ADGRG3: variants seen among roughly 807,000 people sequenced by gnomAD.
The protein encoded by ADGRG3 is adhesion G protein-coupled receptor G3.
Under a neutral mutation model 54.3 loss-of-function variants are expected in ADGRG3, and 39 were observed. The ratio of observed to expected loss-of-function variants is 0.72; its 90% CI spans 0.56 to 0.94. The LOEUF is 0.94. ADGRG3 is among the 40% of genes least tolerant of loss of function. The probability of loss-of-function intolerance (pLI) is 0.00; values close to 1 mark genes in which losing one functional copy is unlikely to be tolerated. For synonymous variants in ADGRG3, 312 were observed against 290.0 expected (o/e 1.08, Z -0.77); for missense variants, 654 against 694.6 (o/e 0.94, Z 0.66).
chr16:57,673,878 G>A (rs967993987), intron 2 of ADGRG3, among the ~76,000 whole-genome samples: 10 of 152,184 alleles, frequency 6.6e-5, no homozygotes, highest in African/African-American at 2.4e-4. Context: ...AAACAATGGT[G>A]AGGATACAGG....
intron 2 of ADGRG3, among the ~76,000 whole-genome samples, chr16:57,675,179 G>T (rs1298220593): frequency 6.6e-6 from 1 of 151,358 alleles, no homozygotes; most frequent in African/African-American, 2.4e-5. Context: ...TCCATAAAAA[G>T]AAATAAAATA....
At chr16:57,678,812 C>T (rs1567856144) in intron 4 of ADGRG3, 3 of 338,154 alleles carry the variant, frequency 8.9e-6, no homozygotes, top group East Asian at 1.3e-4. Context: ...TCCTTTCTAC[C>T]GAATGCACAC....
At chr16:57,682,539 T>C in intron 8 of ADGRG3, 4 of 985,436 alleles carry the variant, frequency 4.1e-6, no homozygotes, top group Non-Finnish European at 4.8e-6. Flanking sequence ...ACTTGCCAGC[T>C]GGCCGCATTG....
chr16:57,685,823 G>C lies in ADGRG3; in HGVS notation c.1437G>C (p.Leu479=). The C allele has an allele frequency of 1.9e-6, 3 of 1,614,182 alleles. No homozygotes were observed. Residue 479 remains leucine (L), a synonymous_variant, in exon 11 of 12, where the codon CTG becomes CTC. Coordinates refer to ENST00000333493, the MANE Select transcript of ADGRG3 (RefSeq NM_170776.5). ...AGAACCGGAAGAAGGTGCTCACCCT[G>C]CTGGGCCTCTCGAGCCTGGTGGGTG... The part of the protein sequence containing the change: ...RGKNRKKVLT[L]LGLSSLVGVT...
At chr16:57,668,236 C>A, upstream of ADGRG3, 1 of 830,718 alleles carries the variant, frequency 1.2e-6, no homozygotes, top group Admixed American at 2.4e-5. Flanking sequence ...AAAGAGGACA[C>A]AGGAAGCCAG....
At position 57,685,623 on chromosome 16, in the gene ADGRG3, A is replaced by T. The variant is rs1371008620; in HGVS notation, c.1257-20A>T. 2.5e-6 allele frequency: 4 copies of T among 1,611,806 alleles called. No individual in the cohort carries two copies. In the Admixed American group the frequency reaches 6.7e-5, roughly 27 times the overall value. On this transcript the variant is annotated intron_variant, in intron 10 of 11. Coordinates refer to ENST00000333493, the MANE Select transcript of ADGRG3 (RefSeq NM_170776.5). ...CAGAGGTACCACTCCCAGTCCCACC[A>T]CAGCTGCCCCCTCCTCCAGATGCTG... is the stretch of plus-strand genomic sequence containing the variant.
At position 57,684,386 on chromosome 16, in the gene ADGRG3, C is replaced by A. The variant is rs757252286; in HGVS notation, c.1163-4C>A. The A allele has an allele frequency of 1.2e-6, 2 of 1,612,576 alleles. No individual in the cohort carries two copies. The highest frequency in any genetic ancestry group is 3.3e-5 in the Admixed American group (2 of 59,964). On this transcript the variant is annotated splice_region_variant and splice_polypyrimidine_tract_variant and intron_variant, in intron 9 of 11. Transcript: ENST00000333493. ...GGTGTCATGCCATTTCCCCTTGTGC[C>A]CAGGCCTGCCCGCCCTGATGGTCAT... is the stretch of plus-strand genomic sequence containing the variant.
chr16:57,669,442 T>C (rs183826995), intron 1 of ADGRG3, among the ~76,000 whole-genome samples: 281 of 152,274 alleles, frequency 1.8e-3, no homozygotes, highest in Non-Finnish European at 3.1e-3. Context: ...CCTTGATAGA[T>C]GAATGAACGG....
chr16:57,681,348 CTG>C (rs72283299), intron 8 of ADGRG3: 22,306 of 135,274 alleles, frequency 0.16, 1,921 homozygotes, highest in Non-Finnish European at 0.2. Flanking sequence ...GTGTGTGTGT[CTG>C]TGTGTGTGTG....
chr16:57,666,420 C>T (rs1355250641), upstream of ADGRG3, among the ~76,000 whole-genome samples: 2 of 152,224 alleles, frequency 1.3e-5, no homozygotes, highest in Non-Finnish European at 2.9e-5. Context: ...ATGCACTTTC[C>T]CAGGCTGTGG....
intron 2 of ADGRG3, 24 bp downstream of exon 2, chr16:57,673,492 G>A: frequency 6.3e-7 from 1 of 1,585,718 alleles, no homozygotes; most frequent in South Asian, 1.1e-5. Context: ...CTGAGCTGGA[G>A]GGGGAATCTG....
At chr16:57,672,367 T>G (rs1467820413) in intron 1 of ADGRG3, among the ~76,000 whole-genome samples, 2 of 152,042 alleles carry the variant, frequency 1.3e-5, no homozygotes, top group East Asian at 1.9e-4. Flanking sequence ...TCTTCTTAAT[T>G]AAAACATTTT....
chr16:57,666,637 C>T (rs1306665954), upstream of ADGRG3, among the ~76,000 whole-genome samples: 2 of 152,096 alleles, frequency 1.3e-5, no homozygotes, highest in Non-Finnish European at 2.9e-5. Context: ...GTTTTGTTGG[C>T]CCTGGGGTTG....
At chr16:57,670,841 AAC>A (rs144608809) in intron 1 of ADGRG3, among the ~76,000 whole-genome samples, 15,515 of 152,210 alleles carry the variant, frequency 0.1, 798 homozygotes, top group South Asian at 0.11. Flanking sequence ...ATTAAAAATG[AAC>A]AGTTTTTTAA....
At chr16:57,683,121 G>A (rs1477804231) in intron 8 of ADGRG3, among the ~76,000 whole-genome samples, 6 of 152,236 alleles carry the variant, frequency 3.9e-5, no homozygotes, top group African/African-American at 1.4e-4. Flanking sequence ...AGGAGCTGGG[G>A]AGCAGGGAAA....
chr16:57,684,283 A>T (rs2048430553), intron 9 of ADGRG3, 71 bp downstream of exon 9: 1 of 1,576,384 alleles, frequency 6.3e-7, no homozygotes, highest in Admixed American at 1.7e-5. Flanking sequence ...CCTTGGGGAG[A>T]GAGAGGAGGG....
chr16:57,668,360 A>G lies in ADGRG3; in HGVS notation c.13A>G (p.Arg5Gly). 1.3e-6 allele frequency: 2 copies of G among 1,574,792 alleles called. No homozygotes were observed. Among genetic ancestry groups the G allele is most frequent in the East Asian group, 2.3e-5 (1 of 43,894 alleles). MATPRGLGALLLLLL... is the reference protein window; with the variant it reads MATPGGLGALLLLLL... ...AGGCTGGCCAAGGATGGCGACGCCCAGGGGCCTGGGGGCCCTGCTCCTGCT... is the reference window on the plus strand; with the variant it reads ...AGGCTGGCCAAGGATGGCGACGCCCGGGGGCCTGGGGGCCCTGCTCCTGCT... The change falls in exon 1 of 12, where the codon AGG becomes GGG. Residue 5 changes from arginine to glycine, a missense_variant. Coordinates refer to ENST00000333493, the MANE Select transcript of ADGRG3 (RefSeq NM_170776.5).
chr16:57,674,829 C>CAA (rs56719808), intron 2 of ADGRG3, among the ~76,000 whole-genome samples: 1,761 of 82,130 alleles, frequency 0.021, 57 homozygotes, highest in African/African-American at 0.063. Context: ...ACTGAAAATA[C>CAA]AAAAAAAAAA....
rs752213820 is a variant in ADGRG3, at chr16:57,688,401, C to A, written c.1590C>A (p.Ser530Arg). 3 of 1,613,612 alleles carry A rather than the reference C, an allele frequency of 1.9e-6. No homozygotes were observed. The African/African-American group carries it at 4.0e-5, about 22-fold the overall frequency. ...CCATCCTTTACCTCCCAAGTCAGAG[C>A]ACCACAGTCTCCTCCTCTACTGCAA... is the stretch of plus-strand genomic sequence containing the variant. ...WFTILYLPSQ[S>R]TTVSSSTARL... The change falls in exon 12 of 12, where the codon AGC (serine) becomes AGA (arginine). Residue 530 changes from serine to arginine, a missense_variant. Ser to Arg is a moderately radical substitution (Grantham distance 110). Coordinates refer to ENST00000333493, the MANE Select transcript of ADGRG3 (RefSeq NM_170776.5).
Sources: gnomAD v4.1 joint callset for allele counts (sites outside exome capture counted in the v4.1 genomes callset) on GRCh38, gnomAD v4.1.1 for gene constraint, MANE v1.5 for transcripts, NCBI Gene and HGNC (gene_info 2026-07-23, HGNC 2026-07-21) for gene names.